The following OCA2 variants were observed in gnomAD, a reference collection of about 807,000 sequenced individuals.
OCA2 encodes the protein P protein.
In OCA2, 77 loss-of-function variants were observed where a neutral mutation model predicts 100.2. The ratio of observed to expected loss-of-function variants is 0.77; its 90% confidence interval spans 0.64 to 0.93. OCA2 has a LOEUF of 0.93. OCA2 is among the 40% of genes least tolerant of loss of function. OCA2 has a pLI of 0.00. For missense variants in OCA2, 1,062 were observed against 1,089.1 expected, an observed-to-expected ratio of 0.98 and a Z score of 0.35; for synonymous variants, 432 against 439.2, an observed-to-expected ratio of 0.98 and a Z score of 0.21.
At chr15:27,775,094 GTGTGTGTGTC>G (rs1461197147) in intron 23 of OCA2, among the ~76,000 whole-genome samples, 1 of 150,674 alleles carries the variant, frequency 6.6e-6, no homozygotes, top group East Asian at 1.9e-4. Flanking sequence ...GTGTGTGTGT[GTGTGTGTGTC>G]TGTGTGTTTG....
At chr15:27,909,575 G>C (rs1046263779) in intron 19 of OCA2, among the ~76,000 whole-genome samples, 2 of 152,096 alleles carry the variant, frequency 1.3e-5, no homozygotes, top group African/African-American at 4.8e-5. Flanking sequence ...AATATAATAG[G>C]AAGTTCAGAA....
chr15:28,059,550 A>G (rs530628501), intron 2 of OCA2, among the ~76,000 whole-genome samples: 1 of 152,336 alleles, frequency 6.6e-6, no homozygotes, highest in South Asian at 2.1e-4. Context: ...CAGAAATAGT[A>G]ATAATAATAA....
At chr15:27,828,278 C>A (rs544692026) in intron 23 of OCA2, among the ~76,000 whole-genome samples, 1 of 152,196 alleles carries the variant, frequency 6.6e-6, no homozygotes, top group African/African-American at 2.4e-5. Context: ...CTTATAGTAC[C>A]AATGTTCCCA....
chr15:27,877,174 T>C (rs2036824970), intron 19 of OCA2, among the ~76,000 whole-genome samples: 1 of 151,988 alleles, frequency 6.6e-6, no homozygotes, highest in South Asian at 2.1e-4. Flanking sequence ...TTCCAGACAT[T>C]GAGGTTTTCC....
intron 23 of OCA2, among the ~76,000 whole-genome samples, chr15:27,814,268 T>C (rs540921068): frequency 6.6e-6 from 1 of 152,228 alleles, no homozygotes; most frequent in East Asian, 1.9e-4. Flanking sequence ...AAGAATGTGA[T>C]AATACAGAAG....
intron 1 of OCA2, among the ~76,000 whole-genome samples, chr15:28,098,928 C>T (rs2045034074): frequency 1.3e-5 from 2 of 152,206 alleles, no homozygotes; most frequent in South Asian, 4.1e-4. Context: ...CTGTCTGAAC[C>T]TTTCCAAACT....
chr15:27,943,840 G>A (rs527467472), intron 18 of OCA2, among the ~76,000 whole-genome samples: 24 of 152,160 alleles, frequency 1.6e-4, no homozygotes, highest in Middle Eastern at 3.4e-3. Context: ...CCCCTGCTTC[G>A]AGTTGTCGCA....
chr15:27,879,605 T>C (rs1327614870), intron 19 of OCA2, among the ~76,000 whole-genome samples: 1 of 152,236 alleles, frequency 6.6e-6, no homozygotes, highest in African/African-American at 2.4e-5. Context: ...CGATTAGTGA[T>C]GTTGAGATTT....
At chr15:28,084,435 C>T (rs1279617420) in intron 1 of OCA2, among the ~76,000 whole-genome samples, 1 of 152,226 alleles carries the variant, frequency 6.6e-6, no homozygotes, top group Non-Finnish European at 1.5e-5. Context: ...CCAGCAAACA[C>T]CCTCCTCTTA....
the OCA2 span, among the ~76,000 whole-genome samples, chr15:27,724,214 C>G: frequency 1.3e-5 from 2 of 152,102 alleles, no homozygotes; most frequent in Non-Finnish European, 2.9e-5. Flanking sequence ...GTCATACAGC[C>G]GACTTTTATT....
intron 19 of OCA2, chr15:27,895,885 T>C (rs2037667379): frequency 5.2e-6 from 3 of 575,496 alleles, no homozygotes; most frequent in Middle Eastern, 5.1e-4. Flanking sequence ...GAGATATTAT[T>C]TATCAGGTTG....
intron 2 of OCA2, among the ~76,000 whole-genome samples, chr15:28,044,564 A>C (rs1344935994): frequency 6.6e-6 from 1 of 152,208 alleles, no homozygotes; most frequent in African/African-American, 2.4e-5. Flanking sequence ...GCATCTGAAC[A>C]AGTCATGGCT....
intron 19 of OCA2, among the ~76,000 whole-genome samples, chr15:27,901,458 T>C (rs2037928642): frequency 6.6e-6 from 1 of 152,194 alleles, no homozygotes; most frequent in South Asian, 2.1e-4. Context: ...CACAGGCCAC[T>C]AGAGCTCCCA....
the OCA2 span, among the ~76,000 whole-genome samples, chr15:27,722,116 A>G: frequency 6.6e-6 from 1 of 152,230 alleles, no homozygotes; most frequent in Non-Finnish European, 1.5e-5. Context: ...TCCATGAATC[A>G]AGTAGTTACT....
At chr15:27,846,988 G>A (rs552189347) in intron 22 of OCA2, among the ~76,000 whole-genome samples, 1 of 152,150 alleles carries the variant, frequency 6.6e-6, no homozygotes, top group Non-Finnish European at 1.5e-5. Context: ...ATCTTCTCAG[G>A]AGTGTCGTGT....
At chr15:27,845,174 G>T in intron 22 of OCA2, 122 bp from the exon 23 acceptor site, 1 of 798,512 alleles carries the variant, frequency 1.3e-6, no homozygotes. Flanking sequence ...TATAGTCAAA[G>T]TGACCGCTTT....
chr15:28,097,843 G>A (rs2045014745), intron 1 of OCA2, among the ~76,000 whole-genome samples: 1 of 152,190 alleles, frequency 6.6e-6, no homozygotes, highest in Admixed American at 6.5e-5. Context: ...TCAGTGGGAA[G>A]GCCTTGGCAG....
At chr15:27,843,599 G>A (rs935815733) in intron 23 of OCA2, among the ~76,000 whole-genome samples, 10 of 152,174 alleles carry the variant, frequency 6.6e-5, no homozygotes, top group Non-Finnish European at 1.3e-4. Flanking sequence ...CAGGGTCAGC[G>A]ATATGCCCAG....
intron 1 of OCA2, among the ~76,000 whole-genome samples, chr15:28,082,142 T>C (rs1396211591): frequency 1.3e-5 from 2 of 152,170 alleles, no homozygotes; most frequent in Non-Finnish European, 1.5e-5. Flanking sequence ...CAGCACTCTG[T>C]GTCTAGCTAG....
Sources: allele counts gnomAD v4.1 joint callset (sites outside exome capture counted in the v4.1 genomes callset), GRCh38; gene constraint gnomAD v4.1.1; transcripts MANE v1.5; gene names NCBI Gene and HGNC (gene_info 2026-07-23, HGNC 2026-07-21).